The following ZNF407 variants were observed in gnomAD, a reference collection of about 807,000 sequenced individuals.
The protein encoded by ZNF407 is zinc finger protein 407.
Under a neutral mutation model 131.2 loss-of-function variants are expected in ZNF407, and 17 were observed. The observed-to-expected ratio is 0.13, with a 90% CI of 0.09 to 0.19. ZNF407 has a LOEUF of 0.19. Ranked by LOEUF, ZNF407 falls within the 10% of genes least tolerant of loss-of-function variation. The pLI, the probability that ZNF407 is intolerant of heterozygous loss-of-function variation, is 1.00. For synonymous variants in ZNF407, 1,156 were observed against 1,062.0 expected, an observed-to-expected ratio of 1.09 and a Z score of -1.72; for missense variants, 2,681 against 2,830.6, an observed-to-expected ratio of 0.95 and a Z score of 1.20.
Position 74,741,357 on chromosome 18 carries a change from TATATAC to T in ZNF407, c.4803-40055_4803-40050del, listed in dbSNP as rs560139333. Among the ~76,000 whole-genome samples, 444 of 152,248 alleles carry T rather than the reference TATATAC, an allele frequency of 2.9e-3. 3 individuals are homozygous for T. Among genetic ancestry groups the T allele is most frequent in the African/African-American group, 0.01 (419 of 41,556 alleles). On this transcript the variant is annotated intron_variant, in intron 3 of 8. Coordinates refer to ENST00000299687, the MANE Select transcript of ZNF407 (RefSeq NM_017757.3). The stretch of plus-strand genomic sequence containing the variant: ...ATAAATATAAATGTATATATGGAAA[TATATAC>T]ATATACATATACATAAGTAAATACA...
At chr18:74,626,929 G>T (rs184855545) in intron 1 of ZNF407, among the ~76,000 whole-genome samples, 1 of 152,192 alleles carries the variant, frequency 6.6e-6, no homozygotes, top group Non-Finnish European at 1.5e-5. Flanking sequence ...TCCTGATAGG[G>T]ATTCCTGGGA....
intron 8 of ZNF407, among the ~76,000 whole-genome samples, chr18:74,944,643 G>C (rs1375494256): frequency 6.6e-6 from 1 of 152,186 alleles, no homozygotes; most frequent in Non-Finnish European, 1.5e-5. Context: ...TTGCTTTGCA[G>C]ACAGCAATCA....
At chr18:75,055,317 G>A (rs1973549475) in intron 8 of ZNF407, among the ~76,000 whole-genome samples, 2 of 152,128 alleles carry the variant, frequency 1.3e-5, no homozygotes, top group African/African-American at 4.8e-5. Context: ...ACCTGAGTTC[G>A]ATTTCCAAAG....
At chr18:74,948,783 CTAAT>C (rs1972182302) in intron 8 of ZNF407, among the ~76,000 whole-genome samples, 1 of 152,102 alleles carries the variant, frequency 6.6e-6, no homozygotes, top group Non-Finnish European at 1.5e-5. Flanking sequence ...ATACAGATAA[CTAAT>C]TAGAAATTAG....
intron 8 of ZNF407, among the ~76,000 whole-genome samples, chr18:74,994,008 G>A (rs1008453441): frequency 1.1e-4 from 16 of 152,216 alleles, no homozygotes; most frequent in Admixed American, 2.0e-4. Flanking sequence ...TTTGGACCCT[G>A]CGCCAGAATT....
chr18:74,764,409 A>G (rs1969181341), intron 3 of ZNF407, among the ~76,000 whole-genome samples: 1 of 152,140 alleles, frequency 6.6e-6, no homozygotes, highest in African/African-American at 2.4e-5. Flanking sequence ...ATTTCTAGAC[A>G]TGTGGTTTGG....
chr18:74,630,658 G>T (rs971907778), intron 1 of ZNF407, among the ~76,000 whole-genome samples: 1 of 151,796 alleles, frequency 6.6e-6, no homozygotes, highest in Non-Finnish European at 1.5e-5. Flanking sequence ...TTTTTAAAAG[G>T]GTAGTAAATT....
chr18:74,927,008 A>G (rs1971922757), intron 8 of ZNF407, among the ~76,000 whole-genome samples: 2 of 152,120 alleles, frequency 1.3e-5, no homozygotes, highest in African/African-American at 2.4e-5. Context: ...GTTGTTATGT[A>G]TGGTTTCCTT....
chr18:74,880,477 A>G (rs1971222589), intron 5 of ZNF407, among the ~76,000 whole-genome samples: 1 of 152,210 alleles, frequency 6.6e-6, no homozygotes, highest in South Asian at 2.1e-4. Flanking sequence ...ACTGGTACTA[A>G]TATAGATTTT....
intron 8 of ZNF407, among the ~76,000 whole-genome samples, chr18:75,001,899 G>A (rs1446273039): frequency 2.6e-5 from 4 of 152,224 alleles, no homozygotes; most frequent in African/African-American, 7.2e-5. Context: ...CCTTGGGCAA[G>A]GGCAGTTTTG....
Position 75,055,275 on chromosome 18 carries a change from C to T in ZNF407, c.5429-7875C>T, listed in dbSNP as rs189903920. Among the ~76,000 whole-genome samples, 5 of 152,308 alleles carry T rather than the reference C, an allele frequency of 3.3e-5. No individual in the cohort carries two copies. In the East Asian group the frequency reaches 9.6e-4, roughly 29 times the overall value. ...TAATTTTAAAGTGCCATCTCATCGC[C>T]CTCCATGAAACTCAATGACACTGTT... On this transcript the variant is annotated intron_variant, in intron 8 of 8. Coordinates refer to ENST00000299687, the MANE Select transcript of ZNF407 (RefSeq NM_017757.3).
intron 1 of ZNF407, among the ~76,000 whole-genome samples, chr18:74,608,099 AG>A (rs1220022690): frequency 2.0e-5 from 3 of 152,204 alleles, no homozygotes; most frequent in Admixed American, 6.5e-5. Flanking sequence ...TTTAGAAAAA[AG>A]AATTGCAAAA....
chr18:74,833,792 G>T (rs892464026), intron 4 of ZNF407, among the ~76,000 whole-genome samples: 3 of 152,134 alleles, frequency 2.0e-5, no homozygotes, highest in Admixed American at 2.0e-4. Context: ...CCGTGGTGAT[G>T]ACTTAGGAAT....
chr18:74,984,885 G>A (rs1445346605), intron 8 of ZNF407, among the ~76,000 whole-genome samples: 2 of 152,216 alleles, frequency 1.3e-5, no homozygotes, highest in Non-Finnish European at 2.9e-5. Flanking sequence ...CTCTGATTCT[G>A]AATGTGCGTA....
chr18:75,052,674 G>A (rs932689307), intron 8 of ZNF407, among the ~76,000 whole-genome samples: 22 of 152,210 alleles, frequency 1.4e-4, no homozygotes, highest in African/African-American at 5.1e-4. Context: ...GATAGAGCTC[G>A]TTTCTTAGGT....
intron 4 of ZNF407, among the ~76,000 whole-genome samples, chr18:74,844,469 T>G (rs1970676005): frequency 6.6e-6 from 1 of 152,216 alleles, no homozygotes; most frequent in Admixed American, 6.5e-5. Flanking sequence ...ATGACTAAAG[T>G]AGTTTGAATG....
chr18:74,676,475 C>A (rs556253565), intron 3 of ZNF407, among the ~76,000 whole-genome samples: 2 of 145,592 alleles, frequency 1.4e-5, no homozygotes, highest in African/African-American at 5.2e-5. Context: ...CTCGCTCTGT[C>A]ACCCAGGCTG....
intron 8 of ZNF407, among the ~76,000 whole-genome samples, chr18:75,050,847 C>A (rs1406396421): frequency 6.6e-6 from 1 of 152,194 alleles, no homozygotes; most frequent in Admixed American, 6.5e-5. Context: ...ATGGAGATTT[C>A]TCTTTCTATA....
At chr18:74,912,652 G>A (rs1022368017) in intron 7 of ZNF407, among the ~76,000 whole-genome samples, 5 of 152,130 alleles carry the variant, frequency 3.3e-5, no homozygotes, top group South Asian at 2.1e-4. Context: ...GTGATATAAC[G>A]CAACTCTACA....
Sources: gnomAD v4.1 joint callset for allele counts (sites outside exome capture counted in the v4.1 genomes callset) on GRCh38, gnomAD v4.1.1 for gene constraint, MANE v1.5 for transcripts, NCBI Gene and HGNC (gene_info 2026-07-23, HGNC 2026-07-21) for gene names.